The following GPAT3 variants were observed in gnomAD, a reference collection of about 807,000 sequenced individuals.
GPAT3 encodes 1-AGP acyltransferase 9.
In GPAT3, 53 loss-of-function variants were observed where a neutral mutation model predicts 58.8. That is an observed-to-expected ratio of 0.90 (90% confidence interval 0.72 to 1.13). The LOEUF is 1.13. GPAT3 is among the 50% of genes most tolerant of loss of function. The probability of loss-of-function intolerance (pLI) is 0.00; values close to 1 mark genes in which losing one functional copy is unlikely to be tolerated. For missense variants in GPAT3, 511 were observed against 527.6 expected, an observed-to-expected ratio of 0.97 and a Z score of 0.31; for synonymous variants, 197 against 187.4, an observed-to-expected ratio of 1.05 and a Z score of -0.42.
intron 10 of GPAT3, 116 bp downstream of exon 10, chr4:83,598,295 AT>A: frequency 9.8e-6 from 13 of 1,327,610 alleles, no homozygotes; most frequent in East Asian, 2.4e-5. Flanking sequence ...CAAATGGGTC[AT>A]TTTTTTAATG....
chr4:83,538,959 G>T (rs1202625747), intron 1 of GPAT3, among the ~76,000 whole-genome samples: 2 of 152,202 alleles, frequency 1.3e-5, no homozygotes, highest in Non-Finnish European at 2.9e-5. Context: ...GTGTGAGCCA[G>T]CTCTGATTTG....
intron 2 of GPAT3, among the ~76,000 whole-genome samples, chr4:83,563,951 A>G (rs762845312): frequency 1.6e-4 from 25 of 152,230 alleles, no homozygotes; most frequent in Non-Finnish European, 3.4e-4. Flanking sequence ...ATGAATGCAA[A>G]TAGTTCAATT....
chr4:83,559,775 T>C (rs1477972949), intron 2 of GPAT3, among the ~76,000 whole-genome samples: 1 of 152,190 alleles, frequency 6.6e-6, no homozygotes, highest in African/African-American at 2.4e-5. Context: ...CTGGGACCCA[T>C]GCATTCTCAC....
intron 1 of GPAT3, 147 bp downstream of exon 1, chr4:83,536,910 A>T (rs1578153383): frequency 2.9e-5 from 22 of 747,612 alleles, no homozygotes; most frequent in Non-Finnish European, 4.2e-5. Flanking sequence ...TGCCCGCAGC[A>T]GTGCGAAAGT....
At chr4:83,536,082 A>G (rs1724067436), upstream of GPAT3, 3 of 985,468 alleles carry the variant, frequency 3.0e-6, no homozygotes, top group Non-Finnish European at 3.6e-6. Context: ...GCGCAGAAAT[A>G]GGGCGCTGGG....
In GPAT3 at chr4:83,596,869, A is replaced by T; in HGVS notation, c.866A>T (p.His289Leu). 1 of 1,603,980 alleles carries T rather than the reference A, an allele frequency of 6.2e-7. No individual in the cohort carries two copies. The highest frequency in any genetic ancestry group is 1.3e-5 in the African/African-American group (1 of 74,206). Residue 289 changes from histidine to leucine, a missense_variant, in exon 8 of 12, where the codon CAT becomes CTT. His to Leu is a moderately conservative substitution (Grantham distance 99, BLOSUM62 -3). Coordinates refer to ENST00000264409, the MANE Select transcript of GPAT3 (RefSeq NM_032717.5). Reference protein sequence around the residue: ...RHLVTKRLKEHIADKKKLPIL... With the variant: ...RHLVTKRLKELIADKKKLPIL... ...TTTTTTTTCCATAGACTAAAAGAACATATTGCTGATAAGAAGAAACTACCC... is the reference window on the plus strand; with the variant it reads ...TTTTTTTTCCATAGACTAAAAGAACTTATTGCTGATAAGAAGAAACTACCC...
intron 1 of GPAT3, among the ~76,000 whole-genome samples, chr4:83,542,913 G>A (rs1450750064): frequency 1.3e-5 from 2 of 152,144 alleles, no homozygotes; most frequent in African/African-American, 2.4e-5. Flanking sequence ...CAGGAGAATC[G>A]CTTGAACCCT....
chr4:83,566,419 T>TTAATTA (rs141548038), intron 2 of GPAT3, among the ~76,000 whole-genome samples: 2 of 143,594 alleles, frequency 1.4e-5, no homozygotes, highest in East Asian at 2.0e-4. Flanking sequence ...AATTAATTAA[T>TTAATTA]TTATTATTAT....
chr4:83,562,199 A>ATAATATATATATT (rs5859879), intron 2 of GPAT3, among the ~76,000 whole-genome samples: 1 of 36,046 alleles, frequency 2.8e-5, no homozygotes, highest in Non-Finnish European at 6.0e-5. Context: ...ATATATATAT[A>ATAATATATATATT]ATATATATAT....
At position 83,581,846 on chromosome 4, in the gene GPAT3, C is replaced by A; in HGVS notation, c.479+14C>A. ...ACTGCCTCTGAGGTAAGTCATATGCCTGGTAATTTGATGATACGCTTGACT... is the reference window on the plus strand; with the variant it reads ...ACTGCCTCTGAGGTAAGTCATATGCATGGTAATTTGATGATACGCTTGACT... On this transcript the variant is annotated intron_variant, in intron 3 of 11. Coordinates refer to ENST00000264409, the MANE Select transcript of GPAT3 (RefSeq NM_032717.5). 6.3e-7 allele frequency: 1 copy of A among 1,591,694 alleles called. No homozygotes were observed. Among genetic ancestry groups the A allele is most frequent in the Non-Finnish European group, 8.6e-7 (1 of 1,166,208 alleles).
chr4:83,577,892 C>T (rs143063266), intron 2 of GPAT3, among the ~76,000 whole-genome samples: 10 of 150,058 alleles, frequency 6.7e-5, no homozygotes, highest in Admixed American at 2.7e-4. Context: ...CCTCACCTCC[C>T]GGATTCAAGT....
chr4:83,543,724 C>A (rs1314743462), intron 1 of GPAT3, among the ~76,000 whole-genome samples: 1 of 151,912 alleles, frequency 6.6e-6, no homozygotes, highest in East Asian at 1.9e-4. Context: ...GCTCACTGCA[C>A]CTTCTTCCTC....
At chr4:83,603,769 A>G (rs998618123) in intron 11 of GPAT3, among the ~76,000 whole-genome samples, 1 of 149,408 alleles carries the variant, frequency 6.7e-6, no homozygotes, top group African/African-American at 2.5e-5. Flanking sequence ...CAGCCTGGAC[A>G]ACAAGAGCAA....
At chr4:83,575,552 A>G (rs530078527) in intron 2 of GPAT3, among the ~76,000 whole-genome samples, 17 of 152,200 alleles carry the variant, frequency 1.1e-4, no homozygotes, top group African/African-American at 4.1e-4. Context: ...AGCTGGGACT[A>G]CAGGTGCCCA....
At chr4:83,540,015 A>T (rs1724236521) in intron 1 of GPAT3, among the ~76,000 whole-genome samples, 2 of 152,188 alleles carry the variant, frequency 1.3e-5, no homozygotes, top group South Asian at 4.2e-4. Flanking sequence ...AAAATTAGCC[A>T]AGCATGGTGG....
intron 2 of GPAT3, among the ~76,000 whole-genome samples, chr4:83,563,537 A>G (rs1188679083): frequency 7.2e-6 from 1 of 138,732 alleles, no homozygotes; most frequent in Admixed American, 7.8e-5. Context: ...GCTGGAATGC[A>G]ATGGTGCGAT....
chr4:83,556,821 T>A (rs1259743494), intron 2 of GPAT3, among the ~76,000 whole-genome samples: 1 of 151,924 alleles, frequency 6.6e-6, no homozygotes, highest in African/African-American at 2.4e-5. Context: ...TCTAGCCTAG[T>A]ATTTGTCTTA....
chr4:83,597,559 A>T, intron 9 of GPAT3, 44 bp downstream of exon 9: 1 of 1,295,116 alleles, frequency 7.7e-7, no homozygotes, highest in African/African-American at 1.5e-5. Flanking sequence ...TTATAAAGAT[A>T]TTGGATTGGT....
Position 83,581,729 on chromosome 4 carries a change from C to A in GPAT3, c.376C>A (p.Leu126Ile). The change falls in exon 3 of 12, where the codon CTC becomes ATC. Residue 126 changes from leucine (L) to isoleucine (I), a missense_variant. Coordinates refer to ENST00000264409, the MANE Select transcript of GPAT3 (RefSeq NM_032717.5). Reference sequence around the variant, plus strand: ...CTCAGAGGAGCTAGTGTCATGGAATCTCCTCACAAGAACCAATGTAAATTT... The same window carrying A: ...CTCAGAGGAGCTAGTGTCATGGAATATCCTCACAAGAACCAATGTAAATTT... The part of the protein sequence containing the change: ...FSSEELVSWN[L>I]LTRTNVNFQY... 1 of 1,614,208 alleles carries A rather than the reference C, an allele frequency of 6.2e-7. No homozygotes were observed. Among genetic ancestry groups the A allele is most frequent in the South Asian group, 1.1e-5 (1 of 91,086 alleles).
Sources: allele counts gnomAD v4.1 joint callset (sites outside exome capture counted in the v4.1 genomes callset), GRCh38; gene constraint gnomAD v4.1.1; transcripts MANE v1.5; gene names NCBI Gene and HGNC (gene_info 2026-07-23, HGNC 2026-07-21).